The following GRIA1 variants were observed in gnomAD, a reference collection of about 807,000 sequenced individuals.
The protein encoded by GRIA1 is glutamate receptor 1.
A neutral mutation model predicts 99.2 loss-of-function variants in GRIA1; 31 were observed. The ratio of observed to expected loss-of-function variants is 0.31; its 90% CI spans 0.23 to 0.42. GRIA1 has a LOEUF of 0.42. Among genes scored for constraint, GRIA1 ranks in the 10% least tolerant of loss-of-function variants. GRIA1 has a pLI of 1.00. For missense variants in GRIA1, 782 were observed against 1,157.5 expected, an observed-to-expected ratio of 0.68 and a Z score of 4.71; for synonymous variants, 438 against 432.4, an observed-to-expected ratio of 1.01 and a Z score of -0.16.
At position 153,650,528 on chromosome 5, in the gene GRIA1, C is replaced by G; in HGVS notation, c.645+14C>G. 1 of 1,612,006 alleles carries G rather than the reference C, an allele frequency of 6.2e-7. No homozygotes were observed. The highest frequency in any genetic ancestry group is 8.5e-7 in the Non-Finnish European group (1 of 1,178,788). On this transcript the variant is annotated intron_variant, in intron 4 of 15. Coordinates refer to ENST00000285900, the MANE Select transcript of GRIA1 (RefSeq NM_000827.4). ...ATCTTGGGCCAGGTAGTGAAAGCAGCAAGGGCTCAGGGTGGGTGCGGGAGG... is the reference window on the plus strand; with the variant it reads ...ATCTTGGGCCAGGTAGTGAAAGCAGGAAGGGCTCAGGGTGGGTGCGGGAGG...
intron 2 of GRIA1, among the ~76,000 whole-genome samples, chr5:153,535,152 C>T (rs763048622): frequency 5.3e-5 from 8 of 152,108 alleles, no homozygotes; most frequent in Admixed American, 5.2e-4. Context: ...GAACTCCTGA[C>T]CTCAAGCGAT....
chr5:153,733,337 C>T (rs376784795), intron 11 of GRIA1, among the ~76,000 whole-genome samples: 40 of 151,948 alleles, frequency 2.6e-4, no homozygotes, highest in African/African-American at 8.4e-4. Flanking sequence ...AGCCTCCTTA[C>T]GTAAGATGTT....
chr5:153,783,843 T>C (rs1208123197), intron 13 of GRIA1, among the ~76,000 whole-genome samples: 2 of 152,198 alleles, frequency 1.3e-5, no homozygotes, highest in Non-Finnish European at 1.5e-5. Context: ...TGATAAAACA[T>C]GCAAGTACAG....
chr5:153,591,193 T>C (rs1035688077), intron 2 of GRIA1, among the ~76,000 whole-genome samples: 1 of 152,206 alleles, frequency 6.6e-6, no homozygotes, highest in African/African-American at 2.4e-5. Flanking sequence ...TTTTCCCCAA[T>C]CTAGTTTATG....
intron 11 of GRIA1, among the ~76,000 whole-genome samples, chr5:153,720,005 T>C (rs941711702): frequency 6.6e-6 from 1 of 152,186 alleles, no homozygotes; most frequent in African/African-American, 2.4e-5. Context: ...GTAGTCAGTG[T>C]TTATTAATTT....
At chr5:153,672,957 C>A (rs1184664455) in intron 5 of GRIA1, among the ~76,000 whole-genome samples, 1 of 152,196 alleles carries the variant, frequency 6.6e-6, no homozygotes, top group Non-Finnish European at 1.5e-5. Context: ...GAAAAAAGTT[C>A]TTCATGAAGA....
intron 5 of GRIA1, among the ~76,000 whole-genome samples, chr5:153,665,524 T>C (rs1054773070): frequency 4.6e-5 from 7 of 152,214 alleles, no homozygotes; most frequent in African/African-American, 1.7e-4. Flanking sequence ...TTGGTTAAAG[T>C]GGCTAAAATA....
At chr5:153,609,354 C>A (rs1765755044) in intron 2 of GRIA1, among the ~76,000 whole-genome samples, 1 of 151,976 alleles carries the variant, frequency 6.6e-6, no homozygotes, top group Non-Finnish European at 1.5e-5. Flanking sequence ...AGTATTCGTC[C>A]AAATTACATA....
intron 2 of GRIA1, among the ~76,000 whole-genome samples, chr5:153,645,617 A>T (rs1754090245): frequency 6.6e-6 from 1 of 152,190 alleles, no homozygotes. Flanking sequence ...CATTTCCCAA[A>T]TGTATTTGAC....
At chr5:153,625,122 T>C (rs1266915224) in intron 2 of GRIA1, among the ~76,000 whole-genome samples, 2 of 152,064 alleles carry the variant, frequency 1.3e-5, no homozygotes, top group Admixed American at 6.6e-5. Flanking sequence ...TTTTTAGCAA[T>C]ATTGCTGCTG....
At chr5:153,807,784 G>C (rs1176991979) in intron 15 of GRIA1, among the ~76,000 whole-genome samples, 1 of 152,204 alleles carries the variant, frequency 6.6e-6, no homozygotes, top group Non-Finnish European at 1.5e-5. Context: ...TGGGCAAACA[G>C]ACTGGCTCCT....
chr5:153,706,815 C>T (rs1424649842), intron 11 of GRIA1, among the ~76,000 whole-genome samples: 1 of 152,144 alleles, frequency 6.6e-6, no homozygotes, highest in Admixed American at 6.5e-5. Context: ...GAATTTCAGG[C>T]CAGGCGTGGT....
intron 2 of GRIA1, among the ~76,000 whole-genome samples, chr5:153,510,625 C>T (rs1755973434): frequency 6.6e-6 from 1 of 152,080 alleles, no homozygotes; most frequent in African/African-American, 2.4e-5. Context: ...AGGCTGGGTT[C>T]AGACTAGAGA....
chr5:153,515,696 T>C (rs1205499340), intron 2 of GRIA1, among the ~76,000 whole-genome samples: 1 of 152,240 alleles, frequency 6.6e-6, no homozygotes, highest in African/African-American at 2.4e-5. Flanking sequence ...ACAATGTATA[T>C]GTCTATCAAA....
intron 11 of GRIA1, among the ~76,000 whole-genome samples, chr5:153,760,151 C>T (rs1403869192): frequency 6.6e-6 from 1 of 152,024 alleles, no homozygotes; most frequent in African/African-American, 2.4e-5. Context: ...AGGATGGCCA[C>T]TGTCCCCACT....
intron 2 of GRIA1, among the ~76,000 whole-genome samples, chr5:153,516,524 G>A (rs1756645109): frequency 6.6e-6 from 1 of 152,078 alleles, no homozygotes; most frequent in Non-Finnish European, 1.5e-5. Flanking sequence ...TTCTAATGTT[G>A]TAAAAATACC....
At chr5:153,795,343 G>A in intron 14 of GRIA1, 1 of 590,012 alleles carries the variant, frequency 1.7e-6, no homozygotes, top group South Asian at 1.9e-5. Flanking sequence ...GGGCCAGATG[G>A]AGTATTTTAG....
intron 5 of GRIA1, among the ~76,000 whole-genome samples, chr5:153,669,905 A>G (rs1756024680): frequency 6.6e-6 from 1 of 152,112 alleles, no homozygotes; most frequent in Non-Finnish European, 1.5e-5. Flanking sequence ...GTTAGCCTAT[A>G]TGCTATTATT....
chr5:153,647,262 A>T, intron 3 of GRIA1, 95 bp downstream of exon 3: 1 of 1,405,814 alleles, frequency 7.1e-7, no homozygotes, highest in East Asian at 2.3e-5. Flanking sequence ...CCTGAAAAAT[A>T]TGGGAAAATT....
Sources: gnomAD v4.1 joint callset for allele counts (sites outside exome capture counted in the v4.1 genomes callset) on GRCh38, gnomAD v4.1.1 for gene constraint, MANE v1.5 for transcripts, NCBI Gene and HGNC (gene_info 2026-07-23, HGNC 2026-07-21) for gene names.